Variants in GRAMD2B observed in about 807,000 individuals in gnomAD.
GRAMD2B encodes the protein GRAM domain-containing protein 2B.
GRAMD2B carries 41 observed loss-of-function variants against 59.2 expected under a neutral mutation model. The observed-to-expected ratio is 0.69, with a 90% CI of 0.54 to 0.90. The LOEUF (loss-of-function observed/expected upper bound fraction) is 0.90. GRAMD2B is among the 40% of genes least tolerant of loss of function. The pLI is 0.00. For synonymous variants in GRAMD2B, 161 were observed against 182.7 expected (o/e 0.88, Z 0.96); for missense variants, 424 against 500.5 (o/e 0.85, Z 1.46).
chr5:126,388,317 G>A (rs1756365762), intron 1 of GRAMD2B, among the ~76,000 whole-genome samples: 1 of 152,022 alleles, frequency 6.6e-6, no homozygotes, highest in Non-Finnish European at 1.5e-5. Context: ...AGGCTGCAGT[G>A]AGCCATATTC....
At chr5:126,379,382 T>G (rs959431060) in intron 1 of GRAMD2B, among the ~76,000 whole-genome samples, 1 of 152,202 alleles carries the variant, frequency 6.6e-6, no homozygotes, top group African/African-American at 2.4e-5. Flanking sequence ...GCAAGTATCT[T>G]TTTCATGTAA....
upstream of GRAMD2B, among the ~76,000 whole-genome samples, chr5:126,369,164 C>A (rs1228066303): frequency 6.6e-6 from 1 of 152,154 alleles, no homozygotes; most frequent in Non-Finnish European, 1.5e-5. Context: ...TTCCCCATGA[C>A]CCCACATTGA....
intron 1 of GRAMD2B, among the ~76,000 whole-genome samples, chr5:126,381,577 G>C (rs538765863): frequency 6.6e-6 from 1 of 152,238 alleles, no homozygotes; most frequent in African/African-American, 2.4e-5. Context: ...GTTTATGTGA[G>C]TCCTTATGTG....
At chr5:126,368,569 C>A (rs1180326381), upstream of GRAMD2B, among the ~76,000 whole-genome samples, 2 of 152,180 alleles carry the variant, frequency 1.3e-5, no homozygotes, top group Admixed American at 1.3e-4. Flanking sequence ...AGGATGCCTC[C>A]TCCCACCAGA....
At chr5:126,491,272 G>A (rs1239663503) in intron 13 of GRAMD2B, among the ~76,000 whole-genome samples, 3 of 152,096 alleles carry the variant, frequency 2.0e-5, no homozygotes, top group African/African-American at 4.8e-5. Context: ...CTTTGGTCCT[G>A]AGGGATACAT....
Position 126,423,572 on chromosome 5 carries a change from CG to C in GRAMD2B, c.-33del, listed in dbSNP as rs2149780959. 1 of 1,601,458 alleles carries C rather than the reference CG, an allele frequency of 6.2e-7. No individual in the cohort carries two copies. The highest frequency in any genetic ancestry group is 8.5e-7 in the Non-Finnish European group (1 of 1,174,868). ...ACGAGCCGGGGCAGAGCCAGGCGCG[CG>C]GAAGTCTGAAGGTGCCCTCCAGACA... On this transcript the variant is annotated 5_prime_UTR_variant, in exon 1 of 14. It removes the in-frame stop codon of an upstream open reading frame in the 5' UTR. Transcript: ENST00000285689.
At chr5:126,463,187 A>G (rs919428056) in intron 1 of GRAMD2B, among the ~76,000 whole-genome samples, 1 of 152,230 alleles carries the variant, frequency 6.6e-6, no homozygotes, top group Non-Finnish European at 1.5e-5. Context: ...CACCTTTTGC[A>G]GAGTGGCTCT....
At chr5:126,447,317 C>T (rs774240870) in intron 1 of GRAMD2B, among the ~76,000 whole-genome samples, 5 of 152,164 alleles carry the variant, frequency 3.3e-5, no homozygotes, top group Admixed American at 3.3e-4. Flanking sequence ...ACATCCATTC[C>T]TATTGCTATT....
chr5:126,491,091 C>T (rs1773843065), intron 13 of GRAMD2B, among the ~76,000 whole-genome samples: 1 of 152,156 alleles, frequency 6.6e-6, no homozygotes, highest in Non-Finnish European at 1.5e-5. Flanking sequence ...GGCTGAACAT[C>T]TCATATATTT....
chr5:126,389,474 C>A (rs1756503446), intron 1 of GRAMD2B, among the ~76,000 whole-genome samples: 2 of 152,172 alleles, frequency 1.3e-5, no homozygotes, highest in Non-Finnish European at 2.9e-5. Flanking sequence ...TTACTCATCC[C>A]TGTATCCTCC....
chr5:126,403,929 G>A (rs575622575), intron 1 of GRAMD2B, among the ~76,000 whole-genome samples: 2 of 151,872 alleles, frequency 1.3e-5, no homozygotes, highest in African/African-American at 2.4e-5. Flanking sequence ...ATTAGATGTT[G>A]AGCAGTATTT....
chr5:126,401,213 A>G (rs1757806068), intron 1 of GRAMD2B, among the ~76,000 whole-genome samples: 1 of 152,062 alleles, frequency 6.6e-6, no homozygotes, highest in South Asian at 2.1e-4. Context: ...CTCATGCTTG[A>G]TCAAGTTTGT....
intron 1 of GRAMD2B, among the ~76,000 whole-genome samples, chr5:126,456,159 A>G (rs892207455): frequency 4.6e-5 from 7 of 152,234 alleles, no homozygotes; most frequent in Non-Finnish European, 1.0e-4. Context: ...TTAAAATTGT[A>G]TAATGAGCTC....
At chr5:126,485,813 T>C (rs1772799835) in intron 11 of GRAMD2B, 40 bp downstream of exon 11, 2 of 1,227,840 alleles carry the variant, frequency 1.6e-6, no homozygotes, top group African/African-American at 1.5e-5. Context: ...AAGAAAATGA[T>C]TCCATTCGCT....
intron 9 of GRAMD2B, among the ~76,000 whole-genome samples, chr5:126,483,924 G>A (rs1772360585): frequency 6.6e-6 from 1 of 152,240 alleles, no homozygotes; most frequent in South Asian, 2.1e-4. Flanking sequence ...CACCCCCCGG[G>A]TTCAAGCAAT....
chr5:126,484,186 G>A (rs1185787277), intron 9 of GRAMD2B, among the ~76,000 whole-genome samples: 1 of 152,142 alleles, frequency 6.6e-6, no homozygotes, highest in Non-Finnish European at 1.5e-5. Flanking sequence ...TTATCCATGT[G>A]AGTTGGTTGG....
chr5:126,486,152 G>A (rs570348282), intron 11 of GRAMD2B, among the ~76,000 whole-genome samples: 3 of 152,154 alleles, frequency 2.0e-5, no homozygotes, highest in Admixed American at 1.3e-4. Context: ...GATCAGATCC[G>A]GGTAATTAGC....
At chr5:126,415,312 A>G (rs1397037095) in intron 1 of GRAMD2B, among the ~76,000 whole-genome samples, 1 of 152,226 alleles carries the variant, frequency 6.6e-6, no homozygotes, top group Non-Finnish European at 1.5e-5. Flanking sequence ...ATATAAGAAC[A>G]TGATGGTTTC....
chr5:126,485,647 A>G (rs1772761789), intron 10 of GRAMD2B, 39 bp from the exon 11 acceptor site: 1 of 1,284,180 alleles, frequency 7.8e-7, no homozygotes, highest in East Asian at 2.3e-5. Context: ...GAAGTGTGTT[A>G]TGGTTTTAAA....
Sources: allele counts gnomAD v4.1 joint callset (sites outside exome capture counted in the v4.1 genomes callset), GRCh38; gene constraint gnomAD v4.1.1; transcripts MANE v1.5; gene names NCBI Gene and HGNC (gene_info 2026-07-23, HGNC 2026-07-21).